CDH18: variants seen among roughly 807,000 people sequenced by gnomAD.
The protein encoded by CDH18 is cadherin 18, also known as cadherin-18.
CDH18 carries 31 observed loss-of-function variants against 67.9 expected under a neutral mutation model. The observed-to-expected ratio is 0.46, with a 90% confidence interval of 0.34 to 0.62. The LOEUF (loss-of-function observed/expected upper bound fraction) is 0.62, where lower values mean the gene tolerates loss of function less well. Among genes scored for constraint, CDH18 ranks in the 20% least tolerant of loss-of-function variants. The pLI is 0.01. For missense variants in CDH18, 890 were observed against 975.5 expected (o/e 0.91, Z 1.17); for synonymous variants, 362 against 347.2 (o/e 1.04, Z -0.48).
intron 2 of CDH18, among the ~76,000 whole-genome samples, chr5:19,896,005 G>A (rs754523209): frequency 1.1e-4 from 8 of 72,188 alleles, no homozygotes; most frequent in Admixed American, 1.7e-4. Context: ...AACCTGTGTC[G>A]CATTATTTGG....
intron 2 of CDH18, among the ~76,000 whole-genome samples, chr5:20,219,015 CAA>C (rs1741006768): frequency 6.7e-6 from 1 of 149,906 alleles, no homozygotes; most frequent in Admixed American, 6.7e-5. Context: ...AAATAAGTAA[CAA>C]AAATTAGAGC....
intron 1 of CDH18, among the ~76,000 whole-genome samples, chr5:20,453,009 C>T (rs1300275312): frequency 6.6e-6 from 1 of 152,132 alleles, no homozygotes; most frequent in African/African-American, 2.4e-5. Context: ...AGGCTGATAA[C>T]TCCATTACCC....
intron 2 of CDH18, among the ~76,000 whole-genome samples, chr5:20,165,172 A>G (rs143944736): frequency 1.8e-4 from 27 of 152,190 alleles, no homozygotes; most frequent in Middle Eastern, 3.4e-3. Context: ...AAGAAAAAAC[A>G]TATTATTTGT....
chr5:20,352,539 C>T (rs1580813762), intron 1 of CDH18, among the ~76,000 whole-genome samples: 1 of 148,766 alleles, frequency 6.7e-6, no homozygotes, highest in Admixed American at 6.9e-5. Flanking sequence ...CCAGCACTTT[C>T]GGAGGTCCAG....
chr5:20,530,324 T>C (rs537376704), intron 1 of CDH18, among the ~76,000 whole-genome samples: 24 of 152,062 alleles, frequency 1.6e-4, no homozygotes, highest in Admixed American at 7.2e-4. Context: ...AATGTATAGA[T>C]TCAATGCTAT....
At chr5:19,748,599 T>C (rs1028184255) in intron 3 of CDH18, among the ~76,000 whole-genome samples, 4 of 152,154 alleles carry the variant, frequency 2.6e-5, no homozygotes, top group African/African-American at 9.7e-5. Flanking sequence ...ATAACCTCAA[T>C]GATTTACCTT....
At chr5:20,514,242 T>G (rs1755222908) in intron 1 of CDH18, among the ~76,000 whole-genome samples, 1 of 152,154 alleles carries the variant, frequency 6.6e-6, no homozygotes, top group Admixed American at 6.6e-5. Context: ...AATGTATTTC[T>G]TTCTCTAAAT....
intron 5 of CDH18, among the ~76,000 whole-genome samples, chr5:19,647,659 A>G (rs2150251347): frequency 6.6e-6 from 1 of 151,844 alleles, no homozygotes; most frequent in South Asian, 2.1e-4. Context: ...TGTGGAGCTT[A>G]CACAGGAACC....
intron 2 of CDH18, among the ~76,000 whole-genome samples, chr5:19,851,108 T>C (rs981651828): frequency 1.3e-5 from 2 of 151,804 alleles, no homozygotes; most frequent in African/African-American, 2.4e-5. Flanking sequence ...AACAGTATAA[T>C]GTCCTCGAGA....
chr5:19,761,785 A>T (rs1301262387), intron 3 of CDH18, among the ~76,000 whole-genome samples: 1 of 152,152 alleles, frequency 6.6e-6, no homozygotes, highest in Non-Finnish European at 1.5e-5. Context: ...CATTGCCAAG[A>T]GAATCCTAAG....
At chr5:19,874,326 C>T (rs1331105302) in intron 2 of CDH18, among the ~76,000 whole-genome samples, 9 of 152,114 alleles carry the variant, frequency 5.9e-5, no homozygotes, top group African/African-American at 2.2e-4. Flanking sequence ...ATTCTAATCG[C>T]TTATTTAAGT....
intron 10 of CDH18, among the ~76,000 whole-genome samples, chr5:19,508,063 A>T (rs1441456937): frequency 6.6e-6 from 1 of 151,806 alleles, no homozygotes; most frequent in Non-Finnish European, 1.5e-5. Flanking sequence ...TCTGAAAAAA[A>T]AAAAAGCTTC....
At chr5:20,146,667 A>G (rs1455570793) in intron 2 of CDH18, among the ~76,000 whole-genome samples, 2 of 151,866 alleles carry the variant, frequency 1.3e-5, no homozygotes, top group Non-Finnish European at 2.9e-5. Flanking sequence ...CCCTAAATGT[A>G]TAACTTTTAC....
At chr5:20,368,040 C>A (rs2150080476) in intron 1 of CDH18, among the ~76,000 whole-genome samples, 1 of 151,996 alleles carries the variant, frequency 6.6e-6, no homozygotes, top group African/African-American at 2.4e-5. Flanking sequence ...TTCCACTGTG[C>A]AAAAAAAGGA....
intron 2 of CDH18, among the ~76,000 whole-genome samples, chr5:19,875,371 A>G (rs1180413224): frequency 6.6e-6 from 1 of 151,916 alleles, no homozygotes; most frequent in East Asian, 1.9e-4. Flanking sequence ...GTACTTGAAA[A>G]TATTCTTCTA....
At chr5:19,602,184 T>C (rs1190257790) in intron 6 of CDH18, among the ~76,000 whole-genome samples, 1 of 152,056 alleles carries the variant, frequency 6.6e-6, no homozygotes, top group African/African-American at 2.4e-5. Flanking sequence ...TGACATGATC[T>C]TATACATAGA....
chr5:19,738,571 T>A (rs1468442531), intron 4 of CDH18, among the ~76,000 whole-genome samples: 2 of 152,204 alleles, frequency 1.3e-5, no homozygotes, highest in Non-Finnish European at 2.9e-5. Context: ...ATGTACCAAT[T>A]AAATCTGTAT....
At chr5:19,975,561 T>C (rs1019925554) in intron 2 of CDH18, among the ~76,000 whole-genome samples, 1 of 152,198 alleles carries the variant, frequency 6.6e-6, no homozygotes, top group Non-Finnish European at 1.5e-5. Flanking sequence ...TTTGAGGCAA[T>C]TGTTATTTTA....
At chr5:19,524,223 C>A (rs578209442) in intron 9 of CDH18, among the ~76,000 whole-genome samples, 2 of 150,658 alleles carry the variant, frequency 1.3e-5, no homozygotes, top group African/African-American at 4.9e-5. Context: ...ATATTAATAC[C>A]TTCATATATA....
Sources: gnomAD v4.1 joint callset for allele counts (sites outside exome capture counted in the v4.1 genomes callset) on GRCh38, gnomAD v4.1.1 for gene constraint, MANE v1.5 for transcripts, NCBI Gene and HGNC (gene_info 2026-07-23, HGNC 2026-07-21) for gene names.